GDE1: variants seen among roughly 807,000 people sequenced by gnomAD.
GDE1 encodes the protein glycerophosphodiester phosphodiesterase 1, also known as RGS16-interacting membrane protein.
A neutral mutation model predicts 32.2 loss-of-function variants in GDE1; 24 were observed. The observed-to-expected ratio is 0.75, with a 90% CI of 0.54 to 1.05. GDE1 has a LOEUF of 1.05. Among genes scored for constraint, GDE1 ranks in the 50% least tolerant of loss-of-function variants. The probability of loss-of-function intolerance (pLI) is 0.00; values close to 1 mark genes in which losing one functional copy is unlikely to be tolerated. For missense variants in GDE1, 380 were observed against 415.0 expected (o/e 0.92, Z 0.73); for synonymous variants, 159 against 158.6 (o/e 1.00, Z -0.02).
At chr16:19,518,646 T>A (rs1969411055) in intron 1 of GDE1, among the ~76,000 whole-genome samples, 1 of 152,228 alleles carries the variant, frequency 6.6e-6, no homozygotes. Context: ...ATCATTCTCA[T>A]GTCACTCCCT....
Position 19,503,338 on chromosome 16 carries a change from T to G in GDE1, c.*132A>C. 1 of 772,404 alleles carries G rather than the reference T, an allele frequency of 1.3e-6. No homozygotes were observed. Among genetic ancestry groups the G allele is most frequent in the South Asian group, 1.8e-5 (1 of 55,448 alleles). The allele number at this position is 772,404 out of a possible 1,614,324, so 47.8% of individuals were successfully genotyped here. ...GGTTTAGCTTTGGTTCAGGTAAAAA[T>G]GCAGTGACCAACTATTGCATTTGTG... On this transcript the variant is annotated 3_prime_UTR_variant, in exon 6 of 6. Coordinates refer to ENST00000353258, the MANE Select transcript of GDE1 (RefSeq NM_016641.4).
Position 19,522,048 on chromosome 16 carries a change from C to T in GDE1, c.-84G>A, listed in dbSNP as rs1326736849. The T allele has an allele frequency of 1.9e-5, 26 of 1,385,920 alleles. No individual in the cohort carries two copies. Among genetic ancestry groups the T allele is most frequent in the East Asian group, 2.5e-5 (1 of 39,694 alleles). The allele number at this position is 1,385,920 out of a possible 1,614,324, so 85.9% of individuals were successfully genotyped here. ...AGAACGAGAAGCGAGGGGGAGGGTC[C>T]AAGGCACCGGCAGCAGCAGGAACCC... On this transcript the variant is annotated 5_prime_UTR_variant, in exon 1 of 6. Transcript: ENST00000353258.
chr16:19,510,933 G>C lies in GDE1; in HGVS notation c.449C>G (p.Pro150Arg). Residue 150 changes from proline to arginine, a missense_variant, in exon 3 of 6, where the codon CCT becomes CGT. Transcript: ENST00000353258. ...AANHRLRNDFPDEKIPTLREA... is the reference protein window; with the variant it reads ...AANHRLRNDFRDEKIPTLREA... ...CCTTAGGGTAGGGATCTTTTCATCAGGGAAATCATTCCTGTAAGAGAAGAG... is the reference window on the plus strand; with the variant it reads ...CCTTAGGGTAGGGATCTTTTCATCACGGAAATCATTCCTGTAAGAGAAGAG... 6.4e-7 allele frequency: 1 copy of C among 1,555,832 alleles called. No individual in the cohort carries two copies. The highest frequency in any genetic ancestry group is 8.8e-7 in the Non-Finnish European group (1 of 1,131,116).
chr16:19,519,943 TG>T (rs1442280409), intron 1 of GDE1, among the ~76,000 whole-genome samples: 1 of 151,974 alleles, frequency 6.6e-6, no homozygotes, highest in Non-Finnish European at 1.5e-5. Context: ...ACCTGGGAGG[TG>T]GAAGTTGCAG....
At position 19,507,789 on chromosome 16, in the gene GDE1, A is replaced by G. The variant is rs761073656; in HGVS notation, c.544-10T>C. The G allele has an allele frequency of 2.4e-6, 3 of 1,225,324 alleles. No homozygotes were observed. In the South Asian group the frequency reaches 3.7e-5, roughly 15 times the overall value. 75.9% of individuals were successfully genotyped at this position (1,225,324 alleles called of 1,614,324 possible). ...TTAGAGCCTCAGTAGCCTGTAAAAT[A>G]AAGAGATTCATATATTTAAAATTGA... On this transcript the variant is annotated splice_polypyrimidine_tract_variant and intron_variant, in intron 3 of 5. Coordinates refer to ENST00000353258, the MANE Select transcript of GDE1 (RefSeq NM_016641.4).
chr16:19,521,765 G>C lies in GDE1; in HGVS notation c.200C>G (p.Ala67Gly). Residue 67 changes from alanine (A) to glycine (G), a missense_variant, in exon 1 of 6, where the codon GCC (alanine) becomes GGC (glycine). Transcript: ENST00000353258. ...QVLKPRDRIS[A>G]IAHRGGSHDA... ...GTGGCTGCCGCCACGGTGGGCGATG[G>C]CAGAAATGCGGTCCCGGGGCTTGAG... The C allele has an allele frequency of 1.2e-6, 2 of 1,612,036 alleles. No homozygotes were observed. The highest frequency in any genetic ancestry group is 3.3e-4 in the Middle Eastern group (2 of 6,044).
In GDE1 at chr16:19,502,925, T is replaced by C. The variant is rs1277798802; in HGVS notation, c.*545A>G. 1 of 152,526 alleles carries C rather than the reference T, an allele frequency of 6.6e-6. No individual in the cohort carries two copies. The highest frequency in any genetic ancestry group is 1.5e-5 in the Non-Finnish European group (1 of 68,250). The allele number at this position is 152,526 out of a possible 1,614,324, so 9.4% of individuals were successfully genotyped here. A position where few individuals can be genotyped will look rare whatever the true frequency, so the allele number is the denominator to read the frequency against. On this transcript the variant is annotated 3_prime_UTR_variant, in exon 6 of 6. Coordinates refer to ENST00000353258, the MANE Select transcript of GDE1 (RefSeq NM_016641.4). ...ATTTTGGTTGCTGTACACTGAAGCC[T>C]CACTGGATTGCATGGTGGCTTCCCC...
At chr16:19,513,167 G>A (rs1360001199) in intron 2 of GDE1, among the ~76,000 whole-genome samples, 1 of 151,818 alleles carries the variant, frequency 6.6e-6, no homozygotes, top group Non-Finnish European at 1.5e-5. Context: ...ATTTTGATAG[G>A]GATTGCACTG....
Position 19,503,193 on chromosome 16 carries a change from G to T in GDE1, c.*277C>A. On this transcript the variant is annotated 3_prime_UTR_variant, in exon 6 of 6. Coordinates refer to ENST00000353258, the MANE Select transcript of GDE1 (RefSeq NM_016641.4). ...ATTCAATCTGTGCTTATCCTCACTG[G>T]GTCTCCCTGTGTGCCTCAGCTAGGG... is the stretch of plus-strand genomic sequence containing the variant. 2.3e-6 allele frequency: 1 copy of T among 439,780 alleles called. No individual in the cohort carries two copies. The highest frequency in any genetic ancestry group is 1.9e-5 in the African/African-American group (1 of 51,490). The allele number at this position is 439,780 out of a possible 1,614,324, so 27.2% of individuals were successfully genotyped here.
At chr16:19,521,590 T>C in intron 1 of GDE1, 114 bp downstream of exon 1, 1 of 1,204,012 alleles carries the variant, frequency 8.3e-7, no homozygotes, top group East Asian at 2.4e-5. Flanking sequence ...GTGTGCCTTG[T>C]GGACGAATGA....
intron 2 of GDE1, among the ~76,000 whole-genome samples, chr16:19,512,756 A>G (rs569104836): frequency 4.0e-4 from 61 of 152,164 alleles, no homozygotes; most frequent in Non-Finnish European, 8.1e-4. Context: ...ATAGGGGTCT[A>G]GTTTCATTAT....
intron 3 of GDE1, among the ~76,000 whole-genome samples, chr16:19,509,740 A>C (rs1969293103): frequency 6.6e-6 from 1 of 150,634 alleles, no homozygotes; most frequent in South Asian, 2.1e-4. Context: ...GGCTCAGTGC[A>C]ACCTCTGTCT....
Position 19,521,884 on chromosome 16 carries a change from G to A in GDE1, c.81C>T (p.Ser27=). 1 of 1,602,964 alleles carries A rather than the reference G, an allele frequency of 6.2e-7. No homozygotes were observed. The highest frequency in any genetic ancestry group is 8.5e-7 in the Non-Finnish European group (1 of 1,175,822). The change falls in exon 1 of 6, where the codon AGC becomes AGT. Residue 27 remains serine (S), a synonymous_variant. Coordinates refer to ENST00000353258, the MANE Select transcript of GDE1 (RefSeq NM_016641.4). The part of the protein sequence containing the change: ...LLLVLLLVTR[S]PVNACLLTGS... ...CGGTGAGGAGGCAGGCATTGACCGG[G>A]CTCCGCGTCACCAGCAGCAGCACTA...
In GDE1 at chr16:19,516,914, C is replaced by CAA. The variant is rs138238918; in HGVS notation, c.437+98_437+99dup. On this transcript the variant is annotated intron_variant, in intron 2 of 5. Transcript: ENST00000353258. The stretch of plus-strand genomic sequence containing the variant: ...GACCTACGTACAGTTCAAAACAAAA[C>CAA]AAGACAACTCTCCTGGGGCAGATGT... The CAA allele has an allele frequency of 6.8e-3, 7,070 of 1,045,022 alleles. 42 individuals carry two copies. Among genetic ancestry groups the CAA allele is most frequent in the Non-Finnish European group, 8.9e-3 (6,211 of 694,620 alleles). The allele number at this position is 1,045,022 out of a possible 1,614,324, so 64.7% of individuals were successfully genotyped here. A position where few individuals can be genotyped will look rare whatever the true frequency, so the allele number is the denominator to read the frequency against.
chr16:19,516,935 G>C (rs1376713865), intron 2 of GDE1, 79 bp downstream of exon 2: 10 of 1,226,472 alleles, frequency 8.2e-6, no homozygotes, highest in Non-Finnish European at 1.2e-5. Context: ...TCCTGGGGCA[G>C]ATGTAATTAG....
chr16:19,505,298 C>CT (rs1052821979), intron 4 of GDE1, among the ~76,000 whole-genome samples: 11 of 152,032 alleles, frequency 7.2e-5, no homozygotes, highest in Admixed American at 3.9e-4. Flanking sequence ...CATATGAGAA[C>CT]TTTTTTTTCC....
rs563737247 is a variant in GDE1, at chr16:19,508,458, C to T, written c.544-679G>A. Among the ~76,000 whole-genome samples the T allele has an allele frequency of 3.3e-5, 5 of 152,292 alleles. No homozygotes were observed. The South Asian group carries it at 8.3e-4, about 25-fold the overall frequency. On this transcript the variant is annotated intron_variant, in intron 3 of 5. Coordinates refer to ENST00000353258, the MANE Select transcript of GDE1 (RefSeq NM_016641.4). ...CAAGAAAGTCACCAGCCATGTGGGA[C>T]GCAATGCTGCTGCTGCATAATTTGT...
rs199729378 is a variant in GDE1, at chr16:19,521,870, C to G, written c.95G>C (p.Cys32Ser). 553 of 1,605,900 alleles carry G rather than the reference C, an allele frequency of 3.4e-4. 2 individuals carry two copies. Among genetic ancestry groups the G allele is most frequent in the South Asian group, 4.0e-4 (36 of 89,640 alleles). The change falls in exon 1 of 6, where the codon TGC becomes TCC. Residue 32 changes from cysteine to serine, a missense_variant. Coordinates refer to ENST00000353258, the MANE Select transcript of GDE1 (RefSeq NM_016641.4). ...LLVTRSPVNA[C>S]LLTGSLFVLL... ...AACGAAGAGGCTGCCGGTGAGGAGG[C>G]AGGCATTGACCGGGCTCCGCGTCAC...
In GDE1 at chr16:19,521,778, C is replaced by T. The variant is rs1222453763; in HGVS notation, c.187G>A (p.Asp63Asn). ...CGGTGGGCGATGGCAGAAATGCGGTCCCGGGGCTTGAGCACCTGCAGGGCC... is the reference window on the plus strand; with the variant it reads ...CGGTGGGCGATGGCAGAAATGCGGTTCCGGGGCTTGAGCACCTGCAGGGCC... Reference protein sequence around the residue: ...CRALQVLKPRDRISAIAHRGG... With the variant: ...CRALQVLKPRNRISAIAHRGG... The change falls in exon 1 of 6, where the codon GAC becomes AAC. Residue 63 changes from aspartate (D) to asparagine (N), a missense_variant. Asp to Asn is a conservative substitution (Grantham distance 23). Transcript: ENST00000353258. The T allele has an allele frequency of 3.1e-6, 5 of 1,611,916 alleles. No individual in the cohort carries two copies. In the South Asian group the frequency reaches 5.5e-5, roughly 18 times the overall value.
Sources: gnomAD v4.1 joint callset for allele counts (sites outside exome capture counted in the v4.1 genomes callset) on GRCh38, gnomAD v4.1.1 for gene constraint, MANE v1.5 for transcripts, NCBI Gene and HGNC (gene_info 2026-07-23, HGNC 2026-07-21) for gene names.